The following RAP1GAP2 variants were observed in gnomAD, a reference collection of about 807,000 sequenced individuals.
RAP1GAP2 encodes the protein rap1 GTPase-activating protein 2.
RAP1GAP2 carries 27 observed loss-of-function variants against 95.0 expected under a neutral mutation model. That is an observed-to-expected ratio of 0.28 (90% CI 0.21 to 0.39). The LOEUF (loss-of-function observed/expected upper bound fraction) is 0.39, where lower values mean the gene tolerates loss of function less well. Among genes scored for constraint, RAP1GAP2 ranks in the 10% least tolerant of loss-of-function variants. RAP1GAP2 has a pLI of 1.00. For synonymous variants in RAP1GAP2, 373 were observed against 380.9 expected (o/e 0.98, Z 0.24); for missense variants, 771 against 970.0 (o/e 0.79, Z 2.72).
intron 3 of RAP1GAP2, among the ~76,000 whole-genome samples, chr17:2,922,529 C>T (rs1418189676): frequency 6.6e-6 from 1 of 152,152 alleles, no homozygotes; most frequent in Non-Finnish European, 1.5e-5. Context: ...ACCTGCTCTC[C>T]TTGTGTAGTT....
At chr17:2,892,757 T>TA in intron 2 of RAP1GAP2, among the ~76,000 whole-genome samples, 1 of 152,270 alleles carries the variant, frequency 6.6e-6, no homozygotes. Context: ...GAGGTAATGT[T>TA]ACGTCTGTCT....
intron 22 of RAP1GAP2, among the ~76,000 whole-genome samples, chr17:3,030,584 A>T (rs369326438): frequency 6.6e-6 from 1 of 152,230 alleles, no homozygotes; most frequent in East Asian, 1.9e-4. Context: ...TACCACATGG[A>T]TACAATAGAC....
intron 2 of RAP1GAP2, among the ~76,000 whole-genome samples, chr17:2,842,030 C>T (rs1031871126): frequency 6.6e-6 from 1 of 152,174 alleles, no homozygotes; most frequent in East Asian, 1.9e-4. Context: ...GTCTGAAAGG[C>T]GGTGCCAGGT....
At position 2,919,801 on chromosome 17, in the gene RAP1GAP2, C is replaced by T. The variant is rs570831324; in HGVS notation, c.165+14433C>T. On this transcript the variant is annotated intron_variant, in intron 3 of 24. Transcript: ENST00000254695. The stretch of plus-strand genomic sequence containing the variant: ...CACTGCAACCTCTGCCTCCCGGGTT[C>T]AAGCAATTCTCCTGCCTCAGCCTCC... Among the ~76,000 whole-genome samples the T allele has an allele frequency of 2.7e-3, 417 of 152,254 alleles. 2 individuals are homozygous for T. The highest frequency in any genetic ancestry group is 9.8e-3 in the African/African-American group (407 of 41,550).
rs1222972683 is a variant in RAP1GAP2, at chr17:2,965,684, C to A, written c.596+41C>A. On this transcript the variant is annotated intron_variant, in intron 8 of 24. Coordinates refer to ENST00000254695, the MANE Select transcript of RAP1GAP2 (RefSeq NM_015085.5). This position sits in a 1 kb window ranked among gnomAD's most constrained non-coding sequence, Gnocchi z 4.7. ...TGCTTGAGGCCACTTCTCTTCCAGG[C>A]AGGGCTCTCATCGGTGGTGTGGGGG... 2 of 1,430,724 alleles carry A rather than the reference C, an allele frequency of 1.4e-6. No homozygotes were observed. The highest frequency in any genetic ancestry group is 1.9e-6 in the Non-Finnish European group (2 of 1,031,092). The allele number at this position is 1,430,724 out of a possible 1,614,324, so 88.6% of individuals were successfully genotyped here.
chr17:2,962,836 G>A (rs557170272), intron 5 of RAP1GAP2, 122 bp downstream of exon 5: 17 of 940,428 alleles, frequency 1.8e-5, no homozygotes, highest in African/African-American at 1.4e-4. Flanking sequence ...ACTCTGACTC[G>A]CACCACGGGC....
chr17:3,024,725 T>C (rs2047052488), intron 19 of RAP1GAP2, among the ~76,000 whole-genome samples: 1 of 152,244 alleles, frequency 6.6e-6, no homozygotes, highest in Non-Finnish European at 1.5e-5. Flanking sequence ...GGAATATTAT[T>C]GCAGTAAAAA....
chr17:2,917,709 C>A (rs956022101), intron 3 of RAP1GAP2, among the ~76,000 whole-genome samples: 1 of 151,874 alleles, frequency 6.6e-6, no homozygotes, highest in South Asian at 2.1e-4. Flanking sequence ...CTGGCCCCCC[C>A]GTTTTTAAAA....
chr17:2,907,400 T>C (rs373470372), intron 3 of RAP1GAP2, among the ~76,000 whole-genome samples: 10 of 152,262 alleles, frequency 6.6e-5, no homozygotes, highest in East Asian at 1.9e-4. Context: ...GGGGACCTTG[T>C]AGTAAACCAG....
At chr17:2,957,173 G>C (rs2044147760) in intron 3 of RAP1GAP2, among the ~76,000 whole-genome samples, 1 of 151,920 alleles carries the variant, frequency 6.6e-6, no homozygotes, top group South Asian at 2.1e-4. Flanking sequence ...GCCCCTGGAG[G>C]CCTCGGTTCA....
At chr17:3,010,357 A>G (rs974469951) in intron 17 of RAP1GAP2, among the ~76,000 whole-genome samples, 2 of 151,578 alleles carry the variant, frequency 1.3e-5, no homozygotes, top group East Asian at 1.9e-4. Context: ...AAAAAAAAAA[A>G]AAAGAAAAGT....
At chr17:3,032,881 G>A (rs1027477280) in intron 24 of RAP1GAP2, among the ~76,000 whole-genome samples, 1 of 152,248 alleles carries the variant, frequency 6.6e-6, no homozygotes, top group East Asian at 1.9e-4. Context: ...GCACTGTGAG[G>A]GACCACCCCA....
At position 2,991,413 on chromosome 17, in the gene RAP1GAP2, G is replaced by A; in HGVS notation, c.914+16G>A. On this transcript the variant is annotated intron_variant, in intron 12 of 24. Transcript: ENST00000254695. ...ATTTCAAAGGGTGGGTTTTAGCCAAGTGACGGCTCCAGCTCCATCAACAAG... is the reference window on the plus strand; with the variant it reads ...ATTTCAAAGGGTGGGTTTTAGCCAAATGACGGCTCCAGCTCCATCAACAAG... 3.2e-6 allele frequency: 5 copies of A among 1,565,896 alleles called. No individual in the cohort carries two copies. Among genetic ancestry groups the A allele is most frequent in the Non-Finnish European group, 4.4e-6 (5 of 1,147,396 alleles).
intron 13 of RAP1GAP2, among the ~76,000 whole-genome samples, chr17:2,997,221 C>G (rs2045990885): frequency 6.6e-6 from 1 of 152,130 alleles, no homozygotes; most frequent in Admixed American, 6.5e-5. Flanking sequence ...CCCACCTACG[C>G]CAAGCTGGGT....
intron 8 of RAP1GAP2, among the ~76,000 whole-genome samples, chr17:2,979,999 G>A (rs566620218): frequency 1.3e-5 from 2 of 151,594 alleles, no homozygotes; most frequent in South Asian, 4.2e-4. Context: ...GGAGTGCAGT[G>A]GTACAATCTC....
At chr17:2,842,640 G>T (rs1291011669) in intron 2 of RAP1GAP2, among the ~76,000 whole-genome samples, 1 of 151,926 alleles carries the variant, frequency 6.6e-6, no homozygotes, top group Non-Finnish European at 1.5e-5. Context: ...AGCCGTGGGT[G>T]CCCTAAGAGA....
At chr17:2,967,135 A>T (rs559488468) in intron 8 of RAP1GAP2, among the ~76,000 whole-genome samples, 38 of 152,098 alleles carry the variant, frequency 2.5e-4, no homozygotes, top group African/African-American at 9.2e-4. Flanking sequence ...TTGGGAGGTC[A>T]AGGCGGGTGG....
At chr17:2,942,872 A>G (rs1360851011) in intron 3 of RAP1GAP2, among the ~76,000 whole-genome samples, 1 of 152,044 alleles carries the variant, frequency 6.6e-6, no homozygotes, top group Non-Finnish European at 1.5e-5. Context: ...AGTTCAAACG[A>G]TTCTCCTGCC....
intron 17 of RAP1GAP2, among the ~76,000 whole-genome samples, chr17:3,014,529 G>A (rs2151630860): frequency 6.8e-6 from 1 of 146,960 alleles, no homozygotes; most frequent in East Asian, 2.0e-4. Context: ...GGCACCAAGA[G>A]AATGTAAAGA....
Sources: gnomAD v4.1 joint callset for allele counts (sites outside exome capture counted in the v4.1 genomes callset) on GRCh38, gnomAD v4.1.1 for gene constraint, Gnocchi (gnomAD v3.1) non-coding constraint, MANE v1.5 for transcripts, NCBI Gene and HGNC (gene_info 2026-07-23, HGNC 2026-07-21) for gene names.